OTOGL: variants seen among roughly 807,000 people sequenced by gnomAD.
OTOGL encodes the protein otogelin like.
A neutral mutation model predicts 318.5 loss-of-function variants in OTOGL; 285 were observed. The observed-to-expected ratio is 0.89, with a 90% CI of 0.81 to 0.99. The LOEUF (loss-of-function observed/expected upper bound fraction) is 0.99, where lower values mean the gene tolerates loss of function less well. Ranked by LOEUF, OTOGL falls within the 50% of genes least tolerant of loss-of-function variation. The pLI is 0.00. For missense variants in OTOGL, 2,899 were observed against 2,845.6 expected, an observed-to-expected ratio of 1.02 and a Z score of -0.43; for synonymous variants, 987 against 936.5, an observed-to-expected ratio of 1.05 and a Z score of -0.99.
At chr12:80,109,365 C>G (rs1022481561) in intron 1 of OTOGL, among the ~76,000 whole-genome samples, 1 of 151,998 alleles carries the variant, frequency 6.6e-6, no homozygotes, top group Non-Finnish European at 1.5e-5. Context: ...CTTTTTCATT[C>G]GGGGAGAAAT....
chr12:80,138,567 G>A (rs1871725663), intron 1 of OTOGL, among the ~76,000 whole-genome samples: 1 of 152,072 alleles, frequency 6.6e-6, no homozygotes, highest in South Asian at 2.1e-4. Flanking sequence ...GACTAGTTAT[G>A]AGAGCTTTTA....
chr12:80,272,556 C>T (rs1021147958), intron 24 of OTOGL, among the ~76,000 whole-genome samples: 5 of 152,084 alleles, frequency 3.3e-5, no homozygotes, highest in African/African-American at 1.2e-4. Context: ...CCTGGCCCTC[C>T]CTCTTCTGGT....
chr12:80,099,943 C>T (rs189050025), intron 1 of OTOGL, among the ~76,000 whole-genome samples: 149 of 152,224 alleles, frequency 9.8e-4, no homozygotes, highest in South Asian at 2.7e-3. Context: ...CTCCTGGTCC[C>T]GTGTTCTGTG....
chr12:80,257,934 T>C lies in OTOGL; in HGVS notation c.1821T>C (p.Thr607=), dbSNP rs1882204043. The change falls in exon 18 of 59, where the codon ACT becomes ACC. Residue 607 remains threonine (T), a synonymous_variant. Transcript: ENST00000547103. The part of the protein sequence containing the change: ...IDGERIYIQL[T]SAWKRRTLGL... ...GGGAAAGAATTTATATTCAGCTTACTAGCGCATGGAAAAGAAGAACATTAG... is the reference window on the plus strand; with the variant it reads ...GGGAAAGAATTTATATTCAGCTTACCAGCGCATGGAAAAGAAGAACATTAG... The C allele has an allele frequency of 2.5e-6, 4 of 1,598,140 alleles. No individual in the cohort carries two copies. The highest frequency in any genetic ancestry group is 1.1e-5 in the South Asian group (1 of 90,946).
chr12:80,329,061 G>A lies in OTOGL; in HGVS notation c.4290G>A (p.Val1430=). 6.3e-7 allele frequency: 1 copy of A among 1,578,006 alleles called. No individual in the cohort carries two copies. The highest frequency in any genetic ancestry group is 8.6e-7 in the Non-Finnish European group (1 of 1,168,220). The change falls in exon 37 of 59, where the codon GTG becomes GTA. Residue 1430 remains valine, a synonymous_variant. Coordinates refer to ENST00000547103, the MANE Select transcript of OTOGL (RefSeq NM_001378609.3). ...TTTGTTTCTTTGTAGGTATACCTGTGATTCCCACAGAACCAACATTAATGC... is the reference window on the plus strand; with the variant it reads ...TTTGTTTCTTTGTAGGTATACCTGTAATTCCCACAGAACCAACATTAATGC... ...KCVYPRDCIP[V]IPTEPTLMPP...
At chr12:80,168,363 A>G (rs1873965097) in intron 1 of OTOGL, among the ~76,000 whole-genome samples, 1 of 152,204 alleles carries the variant, frequency 6.6e-6, no homozygotes, top group Non-Finnish European at 1.5e-5. Flanking sequence ...TTTAAAAAAT[A>G]TAGCCTATAA....
Position 80,355,738 on chromosome 12 carries a change from T to C in OTOGL, c.5596T>C (p.Cys1866Arg). ...ATAATACTGTTGATCTTTTTAAGCA[T>C]GCACTGATAGTGAAGACCAACCCCG... is the stretch of plus-strand genomic sequence containing the variant. ...AQCIPEKECA[C>R]TDSEDQPRTA... Residue 1866 changes from cysteine (C) to arginine (R), a missense_variant and splice_region_variant, in exon 47 of 59, where the codon TGC (cysteine) becomes CGC (arginine). By Grantham distance (180) the Cys-to-Arg change is radical. This residue lies in a region of OTOGL where 2,607 missense variants were observed against 2,524.9 expected (regional missense o/e 1.03). Transcript: ENST00000547103. The C allele has an allele frequency of 6.2e-7, 1 of 1,611,508 alleles. No homozygotes were observed.
At chr12:80,328,783 T>C (rs117040479) in intron 36 of OTOGL, 39 bp downstream of exon 36, 2 of 1,510,904 alleles carry the variant, frequency 1.3e-6, no homozygotes, top group Middle Eastern at 1.7e-4. Context: ...TGAAAAATTA[T>C]ACGCTTGCAT....
At chr12:80,337,055 TACAA>T (rs1172911118) in intron 42 of OTOGL, 51 bp downstream of exon 42, 8 of 1,316,384 alleles carry the variant, frequency 6.1e-6, no homozygotes, top group African/African-American at 3.0e-5. Context: ...AAATAAATTA[TACAA>T]ACAGTTATTT....
intron 1 of OTOGL, among the ~76,000 whole-genome samples, chr12:80,100,076 G>A (rs748969827): frequency 3.3e-5 from 5 of 152,054 alleles, no homozygotes; most frequent in South Asian, 2.1e-4. Flanking sequence ...AAGTTCTCCC[G>A]CTTCCTCATG....
rs553205513 is a variant in OTOGL, at chr12:80,270,838, T to C, written c.2518+684T>C. 1.0e-3 allele frequency among the ~76,000 whole-genome samples: 153 copies of C among 152,268 alleles called. 1 individual carries two copies. The highest frequency in any genetic ancestry group is 1.6e-3 in the Non-Finnish European group (110 of 68,012). ...AAGAGCCTCAAATTCTCAGTTACTA[T>C]GGGCAAATTCTAGGCACATAATAAA... On this transcript the variant is annotated intron_variant, in intron 23 of 58. Transcript: ENST00000547103.
At chr12:80,113,283 T>TCTTCTTCTAGCTTTTGA (rs1869960114) in intron 1 of OTOGL, among the ~76,000 whole-genome samples, 1 of 152,112 alleles carries the variant, frequency 6.6e-6, no homozygotes. Flanking sequence ...TTATTTCTTG[T>TCTTCTTCTAGCTTTTGA]CTTCTTCTAG....
At chr12:80,207,406 T>C (rs1328308344) in intron 1 of OTOGL, among the ~76,000 whole-genome samples, 1 of 152,092 alleles carries the variant, frequency 6.6e-6, no homozygotes, top group Non-Finnish European at 1.5e-5. Context: ...GGTTTTTCCA[T>C]GTTGGTCAGG....
intron 1 of OTOGL, among the ~76,000 whole-genome samples, chr12:80,186,253 G>C (rs1875280347): frequency 6.6e-6 from 1 of 152,138 alleles, no homozygotes; most frequent in South Asian, 2.1e-4. Context: ...CCAGGTCTGA[G>C]ATGTGAAACT....
intron 8 of OTOGL, 53 bp from the exon 9 acceptor site, chr12:80,232,839 T>C: frequency 1.4e-6 from 2 of 1,415,580 alleles, no homozygotes; most frequent in Non-Finnish European, 1.9e-6. Flanking sequence ...ATATGTCATC[T>C]GTAATTGAGA....
In OTOGL at chr12:80,377,836, C is replaced by T. The variant is rs1483308265; in HGVS notation, c.6862-12C>T. 1.9e-6 allele frequency: 3 copies of T among 1,586,130 alleles called. No individual in the cohort carries two copies. The highest frequency in any genetic ancestry group is 2.2e-5 in the East Asian group (1 of 44,600). On this transcript the variant is annotated splice_polypyrimidine_tract_variant and intron_variant, in intron 58 of 58. Coordinates refer to ENST00000547103, the MANE Select transcript of OTOGL (RefSeq NM_001378609.3). ...AGTTTAAGACTTTTTTTCTCATTGT[C>T]ACTTCTTACAGATAAATGTTGCATC...
chr12:80,303,491 A>G (rs908867267), intron 28 of OTOGL, among the ~76,000 whole-genome samples: 1 of 152,154 alleles, frequency 6.6e-6, no homozygotes, highest in African/African-American at 2.4e-5. Flanking sequence ...TGTTACTCTT[A>G]TTGTGTCTAG....
At chr12:80,339,828 G>T (rs1454988728) in intron 43 of OTOGL, among the ~76,000 whole-genome samples, 1 of 151,976 alleles carries the variant, frequency 6.6e-6, no homozygotes, top group Non-Finnish European at 1.5e-5. Flanking sequence ...GTTTAATATT[G>T]CAATGTATTA....
At chr12:80,358,640 T>A (rs1890053636) in intron 50 of OTOGL, 31 bp from the exon 51 acceptor site, 1 of 1,511,346 alleles carries the variant, frequency 6.6e-7, no homozygotes, top group Non-Finnish European at 9.1e-7. Flanking sequence ...TCTATAAAAT[T>A]CATCTTTACC....
Sources: allele counts gnomAD v4.1 joint callset (sites outside exome capture counted in the v4.1 genomes callset), GRCh38; gene constraint gnomAD v4.1.1; regional missense constraint gnomAD v4.1.1; transcripts MANE v1.5; gene names NCBI Gene and HGNC (gene_info 2026-07-23, HGNC 2026-07-21).